Variants in RERE observed in about 807,000 individuals in gnomAD.
RERE encodes arginine-glutamic acid dipeptide repeats protein.
RERE carries 40 observed loss-of-function variants against 146.1 expected under a neutral mutation model. The ratio of observed to expected loss-of-function variants is 0.27; its 90% CI spans 0.21 to 0.36. The LOEUF (loss-of-function observed/expected upper bound fraction) is 0.36, where lower values mean the gene tolerates loss of function less well. Ranked by LOEUF, RERE falls within the 10% of genes least tolerant of loss-of-function variation. RERE has a pLI of 1.00. For missense variants in RERE, 1,933 were observed against 2,138.7 expected (o/e 0.90, Z 1.90); for synonymous variants, 1,003 against 866.0 (o/e 1.16, Z -2.78).
intron 1 of RERE, among the ~76,000 whole-genome samples, chr1:8,684,103 T>C (rs1639034103): frequency 6.6e-6 from 1 of 152,214 alleles, no homozygotes; most frequent in Non-Finnish European, 1.5e-5. Context: ...TTTTTACCAC[T>C]GGCCTTAAAT....
chr1:8,426,281 C>G (rs301808), intron 11 of RERE, among the ~76,000 whole-genome samples: 44,480 of 151,638 alleles, frequency 0.29, 6,883 homozygotes, highest in Non-Finnish European at 0.32. Context: ...AGTGAAACCC[C>G]GTCTCTACTA....
intron 2 of RERE, among the ~76,000 whole-genome samples, chr1:8,631,341 A>G (rs1356091417): frequency 6.6e-6 from 1 of 152,188 alleles, no homozygotes; most frequent in Non-Finnish European, 1.5e-5. Context: ...TGAGGTTACA[A>G]TGAGCTATGA....
intron 7 of RERE, chr1:8,519,796 G>A (rs1365692276): frequency 2.0e-5 from 3 of 152,006 alleles, no homozygotes; most frequent in Admixed American, 2.0e-4. Context: ...CTCTAGACTG[G>A]AAGTACATGC....
rs1162015759 is a variant in RERE, at chr1:8,360,928, C to A, written c.2579G>T (p.Gly860Val). 1 of 1,472,706 alleles carries A rather than the reference C, an allele frequency of 6.8e-7. No individual in the cohort carries two copies. The highest frequency in any genetic ancestry group is 8.9e-7 in the Non-Finnish European group (1 of 1,118,936). 91.2% of individuals were successfully genotyped at this position (1,472,706 alleles called of 1,614,324 possible). ...GGGGCCTGGGTGCTGCAGCAGGGGC[C>A]CAGCCTGCAGGCTGTGAGGGCCGGG... ...GPPGPHSLQA[G>V]PLLQHPGPPQ... The change falls in exon 18 of 23, where the codon GGG (glycine) becomes GTG (valine). Residue 860 changes from glycine to valine, a missense_variant. Gly to Val is a moderately radical substitution (Grantham distance 109). Transcript: ENST00000400908.
chr1:8,661,298 G>T (rs977109288), intron 1 of RERE, among the ~76,000 whole-genome samples: 1 of 152,172 alleles, frequency 6.6e-6, no homozygotes, highest in Admixed American at 6.5e-5. Context: ...GCACAAAAAG[G>T]GGGAGAGAGG....
At chr1:8,735,715 C>T (rs766192606) in intron 1 of RERE, among the ~76,000 whole-genome samples, 2 of 152,084 alleles carry the variant, frequency 1.3e-5, no homozygotes, top group African/African-American at 2.4e-5. Context: ...CCCCTCGGTG[C>T]GAAGTTCCCA....
intron 8 of RERE, among the ~76,000 whole-genome samples, chr1:8,503,936 T>C (rs1645215385): frequency 6.6e-6 from 1 of 152,182 alleles, no homozygotes; most frequent in Non-Finnish European, 1.5e-5. Flanking sequence ...AGTAATTTTG[T>C]TGGTGTCATT....
At chr1:8,782,773 G>C (rs1641188445) in intron 1 of RERE, among the ~76,000 whole-genome samples, 1 of 152,150 alleles carries the variant, frequency 6.6e-6, no homozygotes, top group South Asian at 2.1e-4. Context: ...GGATGTGGTA[G>C]CAGGCACCTG....
chr1:8,668,158 C>A (rs1469077999), intron 1 of RERE, among the ~76,000 whole-genome samples: 2 of 152,236 alleles, frequency 1.3e-5, no homozygotes, highest in Admixed American at 1.3e-4. Context: ...CACTAATATG[C>A]AATCCATAAA....
intron 1 of RERE, among the ~76,000 whole-genome samples, chr1:8,729,381 T>G (rs1375697961): frequency 2.1e-5 from 3 of 143,998 alleles, no homozygotes; most frequent in East Asian, 4.6e-4. Flanking sequence ...CGTGCCACCA[T>G]GCCTGGCTAA....
chr1:8,376,050 T>C (rs560667506), intron 12 of RERE, among the ~76,000 whole-genome samples: 7 of 152,220 alleles, frequency 4.6e-5, no homozygotes, highest in South Asian at 2.1e-4. Context: ...GATGAAGCCA[T>C]GTGGCCAAGC....
At chr1:8,524,995 C>G (rs1171077527) in intron 7 of RERE, among the ~76,000 whole-genome samples, 1 of 152,096 alleles carries the variant, frequency 6.6e-6, no homozygotes, top group East Asian at 1.9e-4. Context: ...AAAACAGATA[C>G]AAAAATAAAC....
intron 12 of RERE, among the ~76,000 whole-genome samples, chr1:8,405,019 T>C (rs1010637649): frequency 6.6e-6 from 1 of 152,170 alleles, no homozygotes; most frequent in Non-Finnish European, 1.5e-5. Context: ...GTTTGCTTTT[T>C]GGGGCGTGGG....
chr1:8,711,026 G>A (rs567001580), intron 1 of RERE, among the ~76,000 whole-genome samples: 4 of 151,660 alleles, frequency 2.6e-5, no homozygotes, highest in South Asian at 2.1e-4. Flanking sequence ...GCATGGTGGC[G>A]CATGCCTATA....
intron 12 of RERE, among the ~76,000 whole-genome samples, chr1:8,393,369 C>T (rs1642949905): frequency 6.6e-6 from 1 of 152,162 alleles, no homozygotes; most frequent in Non-Finnish European, 1.5e-5. Context: ...GGCCCAAAGC[C>T]AGGAACCATA....
rs1322032180 is a variant in RERE, at chr1:8,514,591, G to A, written c.831-5916C>T. Among the ~76,000 whole-genome samples the A allele has an allele frequency of 5.3e-5, 8 of 152,072 alleles. No individual in the cohort carries two copies. In the South Asian group the frequency reaches 1.2e-3, roughly 24 times the overall value. On this transcript the variant is annotated intron_variant, in intron 7 of 22. Coordinates refer to ENST00000400908, the MANE Select transcript of RERE (RefSeq NM_001042681.2). The stretch of plus-strand genomic sequence containing the variant: ...CTAAAAACACAAAATTAGCCATACC[G>A]GGTGGTGTGTGCCTGAATCCTAGCT...
intron 1 of RERE, among the ~76,000 whole-genome samples, chr1:8,780,005 A>G (rs543012982): frequency 8.5e-4 from 129 of 152,274 alleles, no homozygotes; most frequent in African/African-American, 3.0e-3. Flanking sequence ...AGCACGGCCA[A>G]CTTGGTGAAA....
chr1:8,526,810 G>C (rs1226660058), intron 7 of RERE, among the ~76,000 whole-genome samples: 1 of 152,128 alleles, frequency 6.6e-6, no homozygotes, highest in Non-Finnish European at 1.5e-5. Flanking sequence ...TTGAGGTCCT[G>C]ATTCAAAATA....
At chr1:8,368,685 C>G (rs1273519358) in intron 12 of RERE, among the ~76,000 whole-genome samples, 5 of 152,074 alleles carry the variant, frequency 3.3e-5, no homozygotes, top group African/African-American at 1.2e-4. Context: ...TATTGCTACA[C>G]ACAGTTATAA....
Sources: gnomAD v4.1 joint callset for allele counts (sites outside exome capture counted in the v4.1 genomes callset) on GRCh38, gnomAD v4.1.1 for gene constraint, MANE v1.5 for transcripts, NCBI Gene and HGNC (gene_info 2026-07-23, HGNC 2026-07-21) for gene names.